CAMTA1: variants seen among roughly 807,000 people sequenced by gnomAD.
CAMTA1 encodes calmodulin-binding transcription activator 1.
A neutral mutation model predicts 170.9 loss-of-function variants in CAMTA1; 27 were observed. The observed-to-expected ratio is 0.16, with a 90% CI of 0.12 to 0.22. The LOEUF (loss-of-function observed/expected upper bound fraction) is 0.22. CAMTA1 is among the 10% of genes least tolerant of loss of function. CAMTA1 has a pLI of 1.00. For missense variants in CAMTA1, 1,619 were observed against 2,217.2 expected (o/e 0.73, Z 5.42); for synonymous variants, 833 against 891.5 (o/e 0.93, Z 1.17).
At position 7,251,557 on chromosome 1, in the gene CAMTA1, G is replaced by A. The variant is rs1666648323; in HGVS notation, c.438+1931G>A. Among the ~76,000 whole-genome samples the A allele has an allele frequency of 6.6e-6, 1 of 152,144 alleles. No homozygotes were observed. Among genetic ancestry groups the A allele is most frequent in the Admixed American group, 6.5e-5 (1 of 15,282 alleles). On this transcript the variant is annotated intron_variant, in intron 5 of 22. Transcript: ENST00000303635. This position sits in a 1 kb window ranked among gnomAD's most constrained non-coding sequence, Gnocchi z 5.1. ...GATGCATTATGTGGTGGCCTTGCCC[G>A]TGAGCTCAGCGAGTTGTCCCACTGA...
intron 3 of CAMTA1, among the ~76,000 whole-genome samples, chr1:7,061,999 C>T (rs1420138874): frequency 6.6e-6 from 1 of 152,124 alleles, no homozygotes; most frequent in East Asian, 1.9e-4. Context: ...CTCACTGCAA[C>T]CTCCGCCTAC....
intron 1 of CAMTA1, among the ~76,000 whole-genome samples, chr1:6,800,420 T>C (rs1268020287): frequency 6.6e-6 from 1 of 151,842 alleles, no homozygotes; most frequent in African/African-American, 2.4e-5. Flanking sequence ...ACAAACAAAA[T>C]GTAAAAAAAT....
chr1:7,081,656 C>T (rs909798751), intron 3 of CAMTA1, among the ~76,000 whole-genome samples: 19 of 152,182 alleles, frequency 1.2e-4, no homozygotes, highest in Non-Finnish European at 1.6e-4. Context: ...AAATCCAAGC[C>T]GGCCATGACA....
chr1:7,446,835 G>A (rs1162557563), intron 5 of CAMTA1, among the ~76,000 whole-genome samples: 1 of 152,204 alleles, frequency 6.6e-6, no homozygotes, highest in Non-Finnish European at 1.5e-5. Context: ...CTGGGGTTCT[G>A]TGGAACTGGA....
intron 7 of CAMTA1, among the ~76,000 whole-genome samples, chr1:7,647,836 C>G (rs910678917): frequency 1.3e-5 from 2 of 152,228 alleles, no homozygotes; most frequent in African/African-American, 4.8e-5. Flanking sequence ...GTAATCCCAG[C>G]ACTCTGGGTG....
intron 3 of CAMTA1, among the ~76,000 whole-genome samples, chr1:6,902,072 C>CA (rs1553180442): frequency 1.9e-4 from 17 of 88,496 alleles, no homozygotes; most frequent in South Asian, 8.5e-4. Flanking sequence ...CACACACACA[C>CA]AAAAAAAAAA....
chr1:7,262,327 C>T (rs565865340), intron 5 of CAMTA1, among the ~76,000 whole-genome samples: 9 of 151,822 alleles, frequency 5.9e-5, no homozygotes, highest in Non-Finnish European at 1.0e-4. Flanking sequence ...TTTGGGAGGC[C>T]GAGGCGGGCG....
intron 5 of CAMTA1, among the ~76,000 whole-genome samples, chr1:7,298,986 T>A (rs1674379801): frequency 6.6e-6 from 1 of 152,228 alleles, no homozygotes; most frequent in Non-Finnish European, 1.5e-5. Context: ...CTAAGGAGGC[T>A]ATTTGCTTTG....
intron 5 of CAMTA1, among the ~76,000 whole-genome samples, chr1:7,303,680 A>T (rs564101360): frequency 6.6e-6 from 1 of 152,220 alleles, no homozygotes; most frequent in Admixed American, 6.5e-5. Context: ...GGATGAGCAG[A>T]CAATAAGAAC....
At chr1:7,582,920 G>A in intron 6 of CAMTA1, among the ~76,000 whole-genome samples, 1 of 151,748 alleles carries the variant, frequency 6.6e-6, no homozygotes, top group East Asian at 1.9e-4. Flanking sequence ...ACCTTACCCT[G>A]GCCCGTCCTC....
At chr1:7,484,518 G>A (rs902020102) in intron 6 of CAMTA1, among the ~76,000 whole-genome samples, 4 of 152,162 alleles carry the variant, frequency 2.6e-5, no homozygotes, top group Admixed American at 2.0e-4. Context: ...GGCCGGGCAC[G>A]GTGGCTCACG....
intron 4 of CAMTA1, among the ~76,000 whole-genome samples, chr1:7,152,443 A>T (rs757026320): frequency 6.6e-6 from 1 of 152,122 alleles, no homozygotes; most frequent in Non-Finnish European, 1.5e-5. Context: ...TTTTTGACAG[A>T]TGATGGTACC....
At chr1:6,943,669 A>T (rs1277620051) in intron 3 of CAMTA1, among the ~76,000 whole-genome samples, 2 of 151,930 alleles carry the variant, frequency 1.3e-5, no homozygotes, top group East Asian at 3.9e-4. Flanking sequence ...AACATGGTGA[A>T]ACCCCCGTCT....
intron 3 of CAMTA1, among the ~76,000 whole-genome samples, chr1:6,847,317 CAAAG>C (rs751198608): frequency 6.6e-6 from 1 of 151,916 alleles, no homozygotes; most frequent in Non-Finnish European, 1.5e-5. Flanking sequence ...GCTAGGCAGA[CAAAG>C]AGAATCAGCA....
At chr1:7,735,216 G>A (rs1403437319) in intron 12 of CAMTA1, among the ~76,000 whole-genome samples, 4 of 152,162 alleles carry the variant, frequency 2.6e-5, no homozygotes, top group Non-Finnish European at 4.4e-5. Context: ...AGAAGCAAGA[G>A]GCTGGGCGCG....
intron 4 of CAMTA1, among the ~76,000 whole-genome samples, chr1:7,121,999 C>G (rs1644671095): frequency 6.6e-6 from 1 of 151,998 alleles, no homozygotes; most frequent in Non-Finnish European, 1.5e-5. Context: ...GGCTCCTCAT[C>G]CCTCAGGGCA....
intron 3 of CAMTA1, among the ~76,000 whole-genome samples, chr1:6,861,395 A>C (rs908717629): frequency 6.6e-6 from 1 of 152,222 alleles, no homozygotes; most frequent in Admixed American, 6.5e-5. Context: ...CTTGTCACTG[A>C]GATGGAATTG....
intron 3 of CAMTA1, among the ~76,000 whole-genome samples, chr1:7,084,231 T>C (rs1264306622): frequency 1.3e-5 from 2 of 152,184 alleles, no homozygotes; most frequent in African/African-American, 4.8e-5. Flanking sequence ...TTTGTTACAG[T>C]GAGCACTAAA....
chr1:7,013,744 A>G (rs1470306522), intron 3 of CAMTA1, among the ~76,000 whole-genome samples: 3 of 151,934 alleles, frequency 2.0e-5, no homozygotes, highest in Non-Finnish European at 4.4e-5. Context: ...CTGGTTCTAC[A>G]TTGTGTTCTT....
Sources: allele counts gnomAD v4.1 joint callset (sites outside exome capture counted in the v4.1 genomes callset), GRCh38; gene constraint gnomAD v4.1.1; non-coding constraint Gnocchi (gnomAD v3.1); transcripts MANE v1.5; gene names NCBI Gene and HGNC (gene_info 2026-07-23, HGNC 2026-07-21).